DNAH7: variants seen among roughly 807,000 people sequenced by gnomAD.
DNAH7 encodes dynein axonemal heavy chain 7.
Under a neutral mutation model 444.6 loss-of-function variants are expected in DNAH7, and 397 were observed. The ratio of observed to expected loss-of-function variants is 0.89; its 90% CI spans 0.82 to 0.97. The LOEUF is 0.97. Among genes scored for constraint, DNAH7 ranks in the 50% least tolerant of loss-of-function variants. The pLI is 0.00. For synonymous variants in DNAH7, 1,636 were observed against 1,624.4 expected, an observed-to-expected ratio of 1.01 and a Z score of -0.17; for missense variants, 4,902 against 4,800.8, an observed-to-expected ratio of 1.02 and a Z score of -0.62.
chr2:195,742,713 T>G (rs546631666), intron 63 of DNAH7, among the ~76,000 whole-genome samples: 1 of 152,098 alleles, frequency 6.6e-6, no homozygotes, highest in Non-Finnish European at 1.5e-5. Flanking sequence ...TCAGCTATGG[T>G]TTTTCTAGTT....
intron 9 of DNAH7, among the ~76,000 whole-genome samples, chr2:196,014,935 T>G (rs1408226027): frequency 1.3e-5 from 2 of 152,302 alleles, no homozygotes; most frequent in East Asian, 3.9e-4. Flanking sequence ...CTACATAATA[T>G]TCCATTGTGC....
At chr2:195,749,126 A>T (rs1693621403) in intron 63 of DNAH7, among the ~76,000 whole-genome samples, 1 of 152,160 alleles carries the variant, frequency 6.6e-6, no homozygotes, top group African/African-American at 2.4e-5. Context: ...AATGAACTCA[A>T]ACAAATTTAC....
intron 37 of DNAH7, 50 bp from the exon 38 acceptor site, chr2:195,875,893 C>G (rs1025331749): frequency 1.3e-6 from 2 of 1,543,080 alleles, no homozygotes; most frequent in African/African-American, 2.7e-5. Context: ...TCTCAACATA[C>G]AGTCCTATTG....
At chr2:195,853,222 C>T (rs1699490085) in intron 46 of DNAH7, 121 bp downstream of exon 46, 2 of 820,890 alleles carry the variant, frequency 2.4e-6, no homozygotes. Context: ...AGAAATCATG[C>T]AAAAATACCT....
At chr2:195,880,199 T>C (rs1701292390) in intron 36 of DNAH7, among the ~76,000 whole-genome samples, 1 of 152,194 alleles carries the variant, frequency 6.6e-6, no homozygotes, top group South Asian at 2.1e-4. Context: ...GAGGAACAGC[T>C]TAATATTCAT....
At chr2:195,982,131 A>G (rs1692616153) in intron 15 of DNAH7, among the ~76,000 whole-genome samples, 1 of 152,214 alleles carries the variant, frequency 6.6e-6, no homozygotes, top group Non-Finnish European at 1.5e-5. Flanking sequence ...AAACAACTCT[A>G]TAGAAAAATC....
At chr2:195,767,322 G>GA (rs1694634200) in intron 61 of DNAH7, among the ~76,000 whole-genome samples, 1 of 151,902 alleles carries the variant, frequency 6.6e-6, no homozygotes, top group Admixed American at 6.6e-5. Context: ...TTAATTTATT[G>GA]AGACTTGTTT....
chr2:195,764,561 C>G (rs1694486871), intron 61 of DNAH7, among the ~76,000 whole-genome samples: 2 of 151,946 alleles, frequency 1.3e-5, no homozygotes, highest in Non-Finnish European at 2.9e-5. Flanking sequence ...AATCAACGTA[C>G]AAAAATTAGT....
intron 19 of DNAH7, among the ~76,000 whole-genome samples, chr2:195,944,310 T>C (rs1241863875): frequency 6.6e-6 from 1 of 152,122 alleles, no homozygotes; most frequent in African/African-American, 2.4e-5. Flanking sequence ...TTCTATCTAA[T>C]TGAGACAGGC....
At chr2:195,917,859 G>A (rs1687783671) in intron 24 of DNAH7, among the ~76,000 whole-genome samples, 1 of 152,052 alleles carries the variant, frequency 6.6e-6, no homozygotes, top group African/African-American at 2.4e-5. Flanking sequence ...GTAGAGATGG[G>A]AGTTTTGCTA....
At chr2:196,009,986 G>A (rs917054010) in intron 10 of DNAH7, among the ~76,000 whole-genome samples, 3 of 152,116 alleles carry the variant, frequency 2.0e-5, no homozygotes, top group Non-Finnish European at 2.9e-5. Flanking sequence ...TCAGGGAAAT[G>A]CAAATCAAAA....
intron 5 of DNAH7, among the ~76,000 whole-genome samples, chr2:196,029,213 C>A (rs989460693): frequency 6.6e-6 from 1 of 152,106 alleles, no homozygotes; most frequent in African/African-American, 2.4e-5. Context: ...AATCTGGGTT[C>A]AGAGTCTGCC....
At chr2:196,041,058 A>G (rs1696725988) in intron 5 of DNAH7, among the ~76,000 whole-genome samples, 1 of 152,000 alleles carries the variant, frequency 6.6e-6, no homozygotes, top group African/African-American at 2.4e-5. Context: ...TAAATTGAAG[A>G]AAATCCCTTA....
chr2:195,817,621 T>C (rs1697285590), intron 50 of DNAH7, 75 bp downstream of exon 50: 9 of 1,416,736 alleles, frequency 6.4e-6, no homozygotes, highest in Admixed American at 2.4e-5. Context: ...ACAAAAGAGA[T>C]CTGTAAAATG....
At chr2:195,966,246 G>A (rs76834969) in intron 17 of DNAH7, among the ~76,000 whole-genome samples, 1 of 152,048 alleles carries the variant, frequency 6.6e-6, no homozygotes, top group East Asian at 1.9e-4. Flanking sequence ...TAATTCCTAT[G>A]TGTTTGTATA....
At chr2:195,811,473 C>T (rs568790230) in intron 51 of DNAH7, among the ~76,000 whole-genome samples, 2 of 152,292 alleles carry the variant, frequency 1.3e-5, no homozygotes, top group East Asian at 3.9e-4. Flanking sequence ...ACTTCAGCCT[C>T]CCAGGTAGCT....
intron 55 of DNAH7, among the ~76,000 whole-genome samples, chr2:195,797,532 A>G (rs1411024561): frequency 6.6e-6 from 1 of 152,204 alleles, no homozygotes; most frequent in Non-Finnish European, 1.5e-5. Context: ...CAGTGTGAGG[A>G]GAGATATAAA....
chr2:195,906,524 C>A, intron 27 of DNAH7, 135 bp downstream of exon 27: 9 of 468,888 alleles, frequency 1.9e-5, no homozygotes, highest in East Asian at 1.3e-4. Context: ...CACCTGAGTT[C>A]AAGTGATCCT....
At chr2:196,018,508 GAAATA>G (rs1259718799) in intron 9 of DNAH7, among the ~76,000 whole-genome samples, 1 of 152,094 alleles carries the variant, frequency 6.6e-6, no homozygotes, top group East Asian at 1.9e-4. Flanking sequence ...ATCAGAAACT[GAAATA>G]AAATAAATGT....
Sources: gnomAD v4.1 joint callset for allele counts (sites outside exome capture counted in the v4.1 genomes callset) on GRCh38, gnomAD v4.1.1 for gene constraint, MANE v1.5 for transcripts, NCBI Gene and HGNC (gene_info 2026-07-23, HGNC 2026-07-21) for gene names.